Variants in ADAM12 observed in about 807,000 individuals in gnomAD.
ADAM12 encodes the protein disintegrin and metalloproteinase domain-containing protein 12.
In ADAM12, 70 loss-of-function variants were observed where a neutral mutation model predicts 106.4. That is an observed-to-expected ratio of 0.66 (90% confidence interval 0.54 to 0.80). The LOEUF (loss-of-function observed/expected upper bound fraction) is 0.80. Among genes scored for constraint, ADAM12 ranks in the 30% least tolerant of loss-of-function variants. The probability of loss-of-function intolerance (pLI) is 0.00; values close to 1 mark genes in which losing one functional copy is unlikely to be tolerated. For synonymous variants in ADAM12, 420 were observed against 433.5 expected (o/e 0.97, Z 0.39); for missense variants, 1,010 against 1,171.9 (o/e 0.86, Z 2.02).
At chr10:126,087,748 CA>C (rs1554967109) in intron 11 of ADAM12, among the ~76,000 whole-genome samples, 1 of 152,228 alleles carries the variant, frequency 6.6e-6, no homozygotes, top group Non-Finnish European at 1.5e-5. Context: ...GCAAGTTCTA[CA>C]GAGTGTGGAC....
chr10:126,338,815 T>C (rs1854812836), intron 1 of ADAM12, among the ~76,000 whole-genome samples: 1 of 152,194 alleles, frequency 6.6e-6, no homozygotes, highest in African/African-American at 2.4e-5. Context: ...TGTTAAAATG[T>C]ACACCTAGGA....
chr10:126,286,754 G>A (rs1959882962), intron 2 of ADAM12, among the ~76,000 whole-genome samples: 1 of 152,140 alleles, frequency 6.6e-6, no homozygotes, highest in African/African-American at 2.4e-5. Context: ...CTGGATTGGG[G>A]CCTGTTTGTT....
chr10:126,386,891 T>C (rs1358677775), intron 1 of ADAM12, among the ~76,000 whole-genome samples: 1 of 152,272 alleles, frequency 6.6e-6, no homozygotes, highest in African/African-American at 2.4e-5. Flanking sequence ...GGATTCTTTC[T>C]TGACTTTCTC....
At chr10:126,336,041 T>C (rs1483605746) in intron 1 of ADAM12, among the ~76,000 whole-genome samples, 1 of 152,168 alleles carries the variant, frequency 6.6e-6, no homozygotes, top group Admixed American at 6.5e-5. Context: ...CTAAATGTAA[T>C]GTATCCTGGA....
chr10:126,245,220 T>G (rs1958605416), intron 3 of ADAM12, among the ~76,000 whole-genome samples: 2 of 152,174 alleles, frequency 1.3e-5, no homozygotes, highest in South Asian at 4.1e-4. Flanking sequence ...GACAAACTGG[T>G]GGCAGGGTGT....
At chr10:126,100,930 C>T in intron 9 of ADAM12, 142 bp downstream of exon 9, 1 of 816,390 alleles carries the variant, frequency 1.2e-6, no homozygotes, top group Non-Finnish European at 1.9e-6. Context: ...ATCTGCCCCC[C>T]TGGTGTGAGC....
At chr10:126,131,448 G>A (rs897621313) in intron 5 of ADAM12, among the ~76,000 whole-genome samples, 16 of 152,134 alleles carry the variant, frequency 1.1e-4, no homozygotes, top group African/African-American at 3.9e-4. Flanking sequence ...TATGGACTGA[G>A]TGTTTATATA....
chr10:126,159,225 G>A (rs962553948), intron 3 of ADAM12, among the ~76,000 whole-genome samples: 1 of 148,656 alleles, frequency 6.7e-6, no homozygotes, highest in African/African-American at 2.5e-5. Flanking sequence ...CAGGAGAATG[G>A]CGTGAACCTG....
intron 11 of ADAM12, among the ~76,000 whole-genome samples, chr10:126,072,179 T>TA (rs1955010158): frequency 6.6e-6 from 1 of 152,086 alleles, no homozygotes; most frequent in Non-Finnish European, 1.5e-5. Flanking sequence ...GTCCCTATCT[T>TA]CCCCCAGCAC....
At chr10:126,178,340 A>C (rs1484817092) in intron 3 of ADAM12, among the ~76,000 whole-genome samples, 11 of 152,046 alleles carry the variant, frequency 7.2e-5, no homozygotes, top group Admixed American at 5.9e-4. Context: ...AATTAATAAA[A>C]CAGGTAGGAA....
chr10:126,030,238 A>T (rs1282043921), intron 21 of ADAM12, among the ~76,000 whole-genome samples: 1 of 152,148 alleles, frequency 6.6e-6, no homozygotes, highest in Non-Finnish European at 1.5e-5. Flanking sequence ...CAGCAAGTTG[A>T]CGGTTGCTGA....
intron 3 of ADAM12, among the ~76,000 whole-genome samples, chr10:126,177,154 C>G (rs1337730965): frequency 6.6e-6 from 1 of 151,622 alleles, no homozygotes; most frequent in African/African-American, 2.4e-5. Context: ...CTTATTAGAG[C>G]CTTTTATGAA....
rs529893732 is a variant in ADAM12, at chr10:126,075,682, G to A, written c.1146-4028C>T. On this transcript the variant is annotated intron_variant, in intron 11 of 22. Transcript: ENST00000448723. ...AGGGAAGAAGGTGTGAGTGCACCTC[G>A]GGAAAGAGCTGGTACAAGTGTCTGC... Among the ~76,000 whole-genome samples, 7 of 152,300 alleles carry A rather than the reference G, an allele frequency of 4.6e-5. No individual in the cohort carries two copies. In the South Asian group the frequency reaches 8.3e-4, roughly 18 times the overall value.
chr10:126,380,923 G>A (rs1295308115), intron 1 of ADAM12, among the ~76,000 whole-genome samples: 1 of 152,154 alleles, frequency 6.6e-6, no homozygotes, highest in Non-Finnish European at 1.5e-5. Context: ...TTAGCTTAAG[G>A]AGGCCTCTGA....
chr10:126,235,860 C>T (rs751710379), intron 3 of ADAM12, among the ~76,000 whole-genome samples: 9 of 152,040 alleles, frequency 5.9e-5, no homozygotes, highest in Non-Finnish European at 5.9e-5. Flanking sequence ...AAGCAAGAAG[C>T]AGGGTGTGGG....
intron 3 of ADAM12, among the ~76,000 whole-genome samples, chr10:126,191,819 A>C (rs1957506719): frequency 6.6e-6 from 1 of 152,184 alleles, no homozygotes; most frequent in Admixed American, 6.5e-5. Context: ...GAAATGCCTG[A>C]GACTGGATAA....
intron 9 of ADAM12, among the ~76,000 whole-genome samples, chr10:126,099,159 T>G (rs1955611810): frequency 6.6e-6 from 1 of 152,200 alleles, no homozygotes; most frequent in Non-Finnish European, 1.5e-5. Flanking sequence ...CAAGGGCCTG[T>G]TGAACACAAG....
chr10:126,192,816 G>A (rs2133806016), intron 3 of ADAM12, among the ~76,000 whole-genome samples: 1 of 152,326 alleles, frequency 6.6e-6, no homozygotes, highest in Non-Finnish European at 1.5e-5. Context: ...GTGACTATCT[G>A]GTCCTCCTCA....
chr10:126,285,776 T>C (rs1221597986), intron 2 of ADAM12, among the ~76,000 whole-genome samples: 4 of 152,040 alleles, frequency 2.6e-5, no homozygotes, highest in Admixed American at 2.6e-4. Context: ...AGACTCCCCT[T>C]GAGATGGCAA....
Sources: gnomAD v4.1 joint callset for allele counts (sites outside exome capture counted in the v4.1 genomes callset) on GRCh38, gnomAD v4.1.1 for gene constraint, MANE v1.5 for transcripts, NCBI Gene and HGNC (gene_info 2026-07-23, HGNC 2026-07-21) for gene names.